Variants in DNAH6 observed in about 807,000 individuals in gnomAD.
DNAH6 encodes the protein axonemal beta dynein heavy chain 6.
In DNAH6, 340 loss-of-function variants were observed where a neutral mutation model predicts 491.4. That is an observed-to-expected ratio of 0.69 (90% CI 0.63 to 0.76). DNAH6 has a LOEUF of 0.76. DNAH6 is among the 30% of genes least tolerant of loss of function. The pLI is 0.00. For missense variants in DNAH6, 4,443 were observed against 4,972.2 expected (o/e 0.89, Z 3.20); for synonymous variants, 1,603 against 1,686.1 (o/e 0.95, Z 1.21).
chr2:84,599,029 C>A (rs1174806800), intron 18 of DNAH6, among the ~76,000 whole-genome samples: 134 of 118,196 alleles, frequency 1.1e-3, no homozygotes, highest in African/African-American at 2.1e-3. Context: ...GACTCAGTTT[C>A]AAAAAAAAAA....
intron 64 of DNAH6, among the ~76,000 whole-genome samples, chr2:84,763,325 A>G (rs996650509): frequency 2.0e-5 from 3 of 152,192 alleles, no homozygotes; most frequent in African/African-American, 2.4e-5. Flanking sequence ...CTTCTTTTTC[A>G]TGAGTCTTCA....
chr2:84,807,160 T>A (rs1305734783), intron 71 of DNAH6, among the ~76,000 whole-genome samples: 3 of 152,026 alleles, frequency 2.0e-5, no homozygotes, highest in Non-Finnish European at 4.4e-5. Flanking sequence ...GGGTTTGAAA[T>A]AGCCCTGAGA....
upstream of DNAH6, among the ~76,000 whole-genome samples, chr2:84,512,074 T>C (rs895488690): frequency 1.3e-5 from 2 of 152,192 alleles, no homozygotes; most frequent in Non-Finnish European, 2.9e-5. Flanking sequence ...TTCTGTTTTT[T>C]TGGGGGGTGG....
At chr2:84,558,706 T>C (rs1160379972) in intron 11 of DNAH6, among the ~76,000 whole-genome samples, 1 of 152,216 alleles carries the variant, frequency 6.6e-6, no homozygotes, top group East Asian at 1.9e-4. Context: ...CTTGAAGACT[T>C]TGAAAATAGT....
chr2:84,781,561 A>G lies in DNAH6; in HGVS notation c.10772A>G (p.Lys3591Arg). 4 of 1,551,682 alleles carry G rather than the reference A, an allele frequency of 2.6e-6. No individual in the cohort carries two copies. Among genetic ancestry groups the G allele is most frequent in the Non-Finnish European group, 3.5e-6 (4 of 1,146,934 alleles). ...GAAAAAATGGTCAAGGATGCAATGA[A>G]ATCAGGAAACTGGGTATTTTTGCAA... ...IAEKMVKDAMKSGNWVFLQNC... is the reference protein window; with the variant it reads ...IAEKMVKDAMRSGNWVFLQNC... The change falls in exon 65 of 77, where the codon AAA becomes AGA. Residue 3591 changes from lysine to arginine, a missense_variant. This residue lies in a region of DNAH6 where 1,463 missense variants were observed against 1,656.6 expected (regional missense o/e 0.88). Transcript: ENST00000389394.
chr2:84,466,086 C>G, the DNAH6 span, among the ~76,000 whole-genome samples: 2 of 152,180 alleles, frequency 1.3e-5, no homozygotes, highest in Admixed American at 6.5e-5. Flanking sequence ...AAATTTCTCT[C>G]CTTTTGAGGT....
chr2:84,551,414 C>A (rs1479822624), intron 9 of DNAH6, among the ~76,000 whole-genome samples: 2 of 152,078 alleles, frequency 1.3e-5, no homozygotes, highest in Non-Finnish European at 2.9e-5. Context: ...AGATATTATA[C>A]TTTCCTTACT....
At chr2:84,554,212 A>G (rs1679798332) in intron 10 of DNAH6, among the ~76,000 whole-genome samples, 1 of 152,206 alleles carries the variant, frequency 6.6e-6, no homozygotes, top group Non-Finnish European at 1.5e-5. Flanking sequence ...AGTCACATCT[A>G]TCAAGGATAA....
chr2:84,731,854 C>T (rs566205010), intron 61 of DNAH6, among the ~76,000 whole-genome samples: 29 of 152,286 alleles, frequency 1.9e-4, no homozygotes, highest in Admixed American at 3.3e-4. Flanking sequence ...GCAACTCCTT[C>T]AAAGGGGCCC....
the DNAH6 span, among the ~76,000 whole-genome samples, chr2:84,499,270 C>A: frequency 3.9e-5 from 6 of 152,016 alleles, no homozygotes; most frequent in Non-Finnish European, 7.4e-5. Flanking sequence ...TTTTCAGATC[C>A]CATAAATAAG....
intron 33 of DNAH6, among the ~76,000 whole-genome samples, chr2:84,643,501 C>A (rs1558843089): frequency 6.6e-6 from 1 of 152,082 alleles, no homozygotes; most frequent in Non-Finnish European, 1.5e-5. Context: ...ATTCCCACTG[C>A]ACACGTGGTA....
intron 64 of DNAH6, among the ~76,000 whole-genome samples, chr2:84,765,358 T>G (rs1674980375): frequency 6.6e-6 from 1 of 152,140 alleles, no homozygotes; most frequent in Admixed American, 6.5e-5. Flanking sequence ...TGTATTAACT[T>G]CATCGCTTTT....
At position 84,786,092 on chromosome 2, in the gene DNAH6, G is replaced by GAGAAAGAA. The variant is rs561934578; in HGVS notation, c.11100+341_11100+348dup. Reference sequence around the variant, plus strand: ...AGTTTTCAAACGTGTGTGGTCTACAGAGAAAGAAAGAATGAATGAATGAAT... The same window carrying GAGAAAGAA: ...AGTTTTCAAACGTGTGTGGTCTACAGAGAAAGAAAGAAAGAAAGAATGAATGAATGAAT... On this transcript the variant is annotated intron_variant, in intron 67 of 76. Transcript: ENST00000389394. Among the ~76,000 whole-genome samples, 23 of 144,042 alleles carry GAGAAAGAA rather than the reference G, an allele frequency of 1.6e-4. No individual in the cohort carries two copies. The South Asian group carries it at 3.9e-3, about 25-fold the overall frequency. 94.5% of individuals were successfully genotyped at this position (144,042 alleles called of 152,430 possible).
intron 58 of DNAH6, among the ~76,000 whole-genome samples, chr2:84,716,738 CAAG>C (rs908532626): frequency 2.1e-4 from 31 of 151,212 alleles, no homozygotes; most frequent in Non-Finnish European, 4.3e-4. Context: ...CTGCCTGGGA[CAAG>C]AAGGAGAAGT....
At chr2:84,669,060 A>G (rs899793824) in intron 37 of DNAH6, among the ~76,000 whole-genome samples, 2 of 152,164 alleles carry the variant, frequency 1.3e-5, no homozygotes, top group African/African-American at 2.4e-5. Context: ...CAATTCTGAC[A>G]TGGGTTTTAA....
chr2:84,623,921 T>C (rs1323434809), intron 26 of DNAH6, among the ~76,000 whole-genome samples: 1 of 152,172 alleles, frequency 6.6e-6, no homozygotes, highest in African/African-American at 2.4e-5. Flanking sequence ...CACTCTCCTC[T>C]AGAGAATCAT....
chr2:84,676,911 T>G, intron 40 of DNAH6, 94 bp from the exon 41 acceptor site: 1 of 1,393,140 alleles, frequency 7.2e-7, no homozygotes, highest in Non-Finnish European at 9.8e-7. Flanking sequence ...AAAAATGTAA[T>G]GCAATGCTGG....
chr2:84,627,709 C>T (rs1311826645), intron 29 of DNAH6, among the ~76,000 whole-genome samples: 5 of 152,010 alleles, frequency 3.3e-5, no homozygotes, highest in Non-Finnish European at 4.4e-5. Context: ...CTTTTGTCAG[C>T]CTAGTGAGAC....
intron 12 of DNAH6, among the ~76,000 whole-genome samples, 162 bp downstream of exon 12, chr2:84,573,749 G>T (rs1348853515): frequency 6.6e-6 from 1 of 152,152 alleles, no homozygotes; most frequent in East Asian, 1.9e-4. Flanking sequence ...ATTTTCTATA[G>T]AATCACTTTT....
Sources: gnomAD v4.1 joint callset for allele counts (sites outside exome capture counted in the v4.1 genomes callset) on GRCh38, gnomAD v4.1.1 for gene constraint, gnomAD v4.1.1 regional missense constraint, MANE v1.5 for transcripts, NCBI Gene and HGNC (gene_info 2026-07-23, HGNC 2026-07-21) for gene names.